Variants in DTNA observed in about 807,000 individuals in gnomAD.
DTNA encodes dystrobrevin alpha, also known as dystrophin-related protein 3.
DTNA carries 43 observed loss-of-function variants against 100.7 expected under a neutral mutation model. The observed-to-expected ratio is 0.43, with a 90% CI of 0.33 to 0.55. The LOEUF (loss-of-function observed/expected upper bound fraction) is 0.55. Ranked by LOEUF, DTNA falls within the 20% of genes least tolerant of loss-of-function variation. The probability of loss-of-function intolerance (pLI) is 0.04; values close to 1 mark genes in which losing one functional copy is unlikely to be tolerated. For missense variants in DTNA, 798 were observed against 953.9 expected, an observed-to-expected ratio of 0.84 and a Z score of 2.15; for synonymous variants, 349 against 347.9, an observed-to-expected ratio of 1.00 and a Z score of -0.04.
At chr18:34,765,449 A>G (rs2093417984) in intron 2 of DTNA, among the ~76,000 whole-genome samples, 2 of 152,168 alleles carry the variant, frequency 1.3e-5, no homozygotes, top group Non-Finnish European at 1.5e-5. Flanking sequence ...GTCCTGTGCA[A>G]TAAGTACTAT....
At chr18:34,758,694 A>G (rs1190216167) in intron 2 of DTNA, among the ~76,000 whole-genome samples, 3 of 152,236 alleles carry the variant, frequency 2.0e-5, no homozygotes, top group Non-Finnish European at 4.4e-5. Flanking sequence ...AAACTTGGCA[A>G]GATATTTACA....
chr18:34,818,381 A>G (rs1205957155), intron 8 of DTNA, 51 bp downstream of exon 8: 1 of 1,599,562 alleles, frequency 6.3e-7, no homozygotes, highest in African/African-American at 1.3e-5. Flanking sequence ...AGTGTTGCCC[A>G]GAGTTAAAGG....
intron 4 of DTNA, 58 bp downstream of exon 4, chr18:34,794,308 T>TA: frequency 1.9e-6 from 3 of 1,600,180 alleles, no homozygotes; most frequent in Non-Finnish European, 2.6e-6. Context: ...CTTCCTGTCT[T>TA]ACTTGGTCTT....
intron 1 of DTNA, among the ~76,000 whole-genome samples, chr18:34,641,171 A>G (rs773889971): frequency 6.6e-6 from 1 of 152,158 alleles, no homozygotes; most frequent in Non-Finnish European, 1.5e-5. Context: ...AATCTTAACT[A>G]TCTATTGAAT....
At chr18:34,699,442 A>G (rs1472317836) in intron 1 of DTNA, among the ~76,000 whole-genome samples, 1 of 152,178 alleles carries the variant, frequency 6.6e-6, no homozygotes, top group Admixed American at 6.5e-5. Context: ...TGGGGATGGC[A>G]ATCTGTTTTA....
chr18:34,591,126 T>G (rs182055191), intron 1 of DTNA, among the ~76,000 whole-genome samples: 1 of 152,258 alleles, frequency 6.6e-6, no homozygotes, highest in Admixed American at 6.5e-5. Flanking sequence ...TTTTTTTCTA[T>G]TTTTCTTATA....
chr18:34,546,632 C>A (rs185264594), intron 1 of DTNA, among the ~76,000 whole-genome samples: 2 of 152,164 alleles, frequency 1.3e-5, no homozygotes, highest in South Asian at 2.1e-4. Flanking sequence ...ATCAACCAAA[C>A]CTTTAAACAA....
At position 34,607,753 on chromosome 18, in the gene DTNA, C is replaced by G. The variant is rs145956991; in HGVS notation, c.-2+114239C>G. Among the ~76,000 whole-genome samples, 578 of 152,284 alleles carry G rather than the reference C, an allele frequency of 3.8e-3. 10 individuals are homozygous for G. The highest frequency in any genetic ancestry group is 2.5e-3 in the South Asian group (12 of 4,826). Reference sequence around the variant, plus strand: ...CTTGTGACAGTCTTCCACAAACACTCAAAGTTCTGGGTTTTGCTGGAAATT... The same window carrying G: ...CTTGTGACAGTCTTCCACAAACACTGAAAGTTCTGGGTTTTGCTGGAAATT... On this transcript the variant is annotated intron_variant, in intron 1 of 19. Transcript: ENST00000283365.
At chr18:34,883,326 T>G (rs2096891942) in intron 21 of DTNA, among the ~76,000 whole-genome samples, 1 of 152,122 alleles carries the variant, frequency 6.6e-6, no homozygotes, top group Non-Finnish European at 1.5e-5. Context: ...TTTTTTTTCT[T>G]TTTGAGACAG....
chr18:34,726,211 C>T (rs2147144096), intron 1 of DTNA, among the ~76,000 whole-genome samples: 1 of 152,108 alleles, frequency 6.6e-6, no homozygotes, highest in Admixed American at 6.5e-5. Context: ...CAAACCTGCA[C>T]ATTGTGCACA....
At chr18:34,768,234 G>A (rs1312029921) in intron 3 of DTNA, among the ~76,000 whole-genome samples, 11 of 152,066 alleles carry the variant, frequency 7.2e-5, no homozygotes. Context: ...GCCAAGCGGA[G>A]CCTTCCTTAG....
At chr18:34,881,415 G>T (rs142226637) in intron 20 of DTNA, among the ~76,000 whole-genome samples, 18 of 132,026 alleles carry the variant, frequency 1.4e-4, no homozygotes, top group African/African-American at 4.6e-4. Context: ...TTATTTGATA[G>T]TGGAATTGGA....
chr18:34,613,483 C>T (rs766954234), intron 1 of DTNA, among the ~76,000 whole-genome samples: 22 of 152,120 alleles, frequency 1.4e-4, no homozygotes, highest in Non-Finnish European at 2.6e-4. Context: ...AACAGTCAGC[C>T]AAATTGTAAA....
At chr18:34,784,783 G>C (rs868580509) in intron 3 of DTNA, among the ~76,000 whole-genome samples, 2 of 151,996 alleles carry the variant, frequency 1.3e-5, no homozygotes, top group East Asian at 3.9e-4. Context: ...TAAAAATGCT[G>C]GTTGGATTTA....
At chr18:34,735,215 GTC>G (rs1316981755) in intron 1 of DTNA, among the ~76,000 whole-genome samples, 1 of 152,150 alleles carries the variant, frequency 6.6e-6, no homozygotes, top group African/African-American at 2.4e-5. Flanking sequence ...GGCTAGGACA[GTC>G]TCTCCTTTTC....
rs551369775 is a variant in DTNA at position 34,862,583 on chromosome 18, G to A, written c.1647-1383G>A. 2.8e-4 allele frequency among the ~76,000 whole-genome samples: 43 copies of A among 152,200 alleles called. 1 individual carries two copies. Among genetic ancestry groups the A allele is most frequent in the Admixed American group, 2.7e-3 (41 of 15,290 alleles). On this transcript the variant is annotated intron_variant, in intron 16 of 22. Transcript: ENST00000444659. Reference sequence around the variant, plus strand: ...GGAGGCTGAGGCAGGAGGAGCTCTTGTAGCCAGGAGTTCAAGACAAGCCTG... The same window carrying A: ...GGAGGCTGAGGCAGGAGGAGCTCTTATAGCCAGGAGTTCAAGACAAGCCTG...
intron 1 of DTNA, among the ~76,000 whole-genome samples, chr18:34,716,406 A>G (rs1329082014): frequency 6.6e-6 from 1 of 152,094 alleles, no homozygotes. Flanking sequence ...TCCTAAAAAT[A>G]CAAAAAATTA....
At chr18:34,620,939 G>A (rs138289119) in intron 1 of DTNA, among the ~76,000 whole-genome samples, 275 of 152,120 alleles carry the variant, frequency 1.8e-3, no homozygotes, top group Non-Finnish European at 3.4e-3. Flanking sequence ...TGTATTTGGA[G>A]TAACTGAATT....
At chr18:34,816,750 TAA>T (rs560474514) in intron 7 of DTNA, among the ~76,000 whole-genome samples, 129 of 152,338 alleles carry the variant, frequency 8.5e-4, no homozygotes, top group African/African-American at 2.9e-3. Flanking sequence ...AGATTTAACT[TAA>T]GTCTCTATAT....
Sources: allele counts gnomAD v4.1 joint callset (sites outside exome capture counted in the v4.1 genomes callset), GRCh38; gene constraint gnomAD v4.1.1; transcripts MANE v1.5; gene names NCBI Gene and HGNC (gene_info 2026-07-23, HGNC 2026-07-21).